Variants in ARL8A observed in about 807,000 individuals in gnomAD.
ARL8A encodes ADP-ribosylation factor-like protein 8A.
Under a neutral mutation model 31.2 loss-of-function variants are expected in ARL8A, and 10 were observed. The observed-to-expected ratio is 0.32, with a 90% CI of 0.20 to 0.54. The LOEUF (loss-of-function observed/expected upper bound fraction) is 0.54. Among genes scored for constraint, ARL8A ranks in the 20% least tolerant of loss-of-function variants. The probability of loss-of-function intolerance (pLI) is 0.93; values close to 1 mark genes in which losing one functional copy is unlikely to be tolerated. For missense variants in ARL8A, 129 were observed against 242.8 expected, an observed-to-expected ratio of 0.53 and a Z score of 3.12; for synonymous variants, 70 against 86.9, an observed-to-expected ratio of 0.81 and a Z score of 1.08.
intron 3 of ARL8A, among the ~76,000 whole-genome samples, chr1:202,136,469 TG>T (rs1655009183): frequency 6.6e-6 from 1 of 151,898 alleles, no homozygotes; most frequent in African/African-American, 2.4e-5. Flanking sequence ...TTAGCAGAGA[TG>T]GGGTTTCACC....
chr1:202,137,270 G>T (rs920099704), intron 3 of ARL8A, among the ~76,000 whole-genome samples: 2 of 152,084 alleles, frequency 1.3e-5, no homozygotes, highest in South Asian at 4.1e-4. Context: ...CAATCCTCTT[G>T]CCTCAGCCTC....
chr1:202,137,085 T>C (rs1331629475), intron 3 of ARL8A, among the ~76,000 whole-genome samples: 4 of 152,044 alleles, frequency 2.6e-5, no homozygotes, highest in Admixed American at 2.0e-4. Flanking sequence ...CTCGATCTTC[T>C]GACCTCGTGA....
intron 1 of ARL8A, among the ~76,000 whole-genome samples, chr1:202,140,062 T>G (rs1341507483): frequency 6.6e-6 from 1 of 152,114 alleles, no homozygotes; most frequent in Non-Finnish European, 1.5e-5. Context: ...AGGAGATGAT[T>G]GGCTCTTATT....
At chr1:202,136,785 T>C (rs565669000) in intron 3 of ARL8A, among the ~76,000 whole-genome samples, 1 of 152,262 alleles carries the variant, frequency 6.6e-6, no homozygotes, top group Non-Finnish European at 1.5e-5. Flanking sequence ...CCCAGGTTGG[T>C]TTTGAACTTC....
chr1:202,140,296 ATT>A (rs77654638), intron 1 of ARL8A, among the ~76,000 whole-genome samples: 36,406 of 137,506 alleles, frequency 0.26, 5,286 homozygotes, highest in South Asian at 0.38. Context: ...TGCCTAGCTA[ATT>A]TTTTTTTTTT....
In ARL8A at chr1:202,134,267, G is replaced by T. The variant is rs1018084056; in HGVS notation, c.*200C>A. 5.3e-6 allele frequency: 3 copies of T among 566,908 alleles called. No homozygotes were observed. Among genetic ancestry groups the T allele is most frequent in the Non-Finnish European group, 9.5e-6 (3 of 317,338 alleles). The allele number at this position is 566,908 out of a possible 1,614,324, so 35.1% of individuals were successfully genotyped here. A position where few individuals can be genotyped will look rare whatever the true frequency, so the allele number is the denominator to read the frequency against. ...AGCGGGGAAGGGTGAGAAGTTAGGG[G>T]ACCAGAATGGGGGGCAATTTATTTT... On this transcript the variant is annotated 3_prime_UTR_variant, in exon 7 of 7. Transcript: ENST00000272217. This position sits in a 1 kb window ranked among gnomAD's most constrained non-coding sequence, Gnocchi z 4.2.
rs762839653 is a variant in ARL8A at position 202,134,985 on chromosome 1, G to A, written c.511+165C>T. On this transcript the variant is annotated intron_variant, in intron 6 of 6. Transcript: ENST00000272217. The surrounding 1 kb of genome is among the most constrained non-coding windows in gnomAD (Gnocchi z 4.2). ...GCCCGAGATCACACAACCGCTTGGC[G>A]ACAAGCTGGGATAGTGCCCAGAATC... Among the ~76,000 whole-genome samples the A allele has an allele frequency of 1.3e-5, 2 of 152,180 alleles. No individual in the cohort carries two copies. The highest frequency in any genetic ancestry group is 2.1e-4 in the South Asian group (1 of 4,830).
At position 202,144,559 on chromosome 1, in the gene ARL8A, A is replaced by G; in HGVS notation, c.14T>C (p.Phe5Ser). The change falls in exon 1 of 7, where the codon TTC becomes TCC. Residue 5 changes from phenylalanine to serine, a missense_variant. Transcript: ENST00000272217. This position sits in a 1 kb window ranked among gnomAD's most constrained non-coding sequence, Gnocchi z 5.2. ...CTTGAACCAGTCCAGCAGCTTGTTG[A>G]ACAAAGCGATCATGGTCGCTGCCGC... is the stretch of plus-strand genomic sequence containing the variant. The part of the protein sequence containing the change: MIAL[F>S]NKLLDWFKAL... The G allele has an allele frequency of 6.9e-7, 1 of 1,439,812 alleles. No homozygotes were observed. The highest frequency in any genetic ancestry group is 9.3e-7 in the Non-Finnish European group (1 of 1,075,918). 89.2% of individuals were successfully genotyped at this position (1,439,812 alleles called of 1,614,324 possible). A position where few individuals can be genotyped will look rare whatever the true frequency, so the allele number is the denominator to read the frequency against.
At chr1:202,139,886 G>C (rs775269699) in intron 1 of ARL8A, among the ~76,000 whole-genome samples, 49 of 151,946 alleles carry the variant, frequency 3.2e-4, no homozygotes, top group Non-Finnish European at 6.3e-4. Flanking sequence ...GACCTCAAGT[G>C]ATCTGCCTAC....
chr1:202,134,194 G>C lies in ARL8A; in HGVS notation c.*273C>G. The C allele has an allele frequency of 3.9e-6, 2 of 509,718 alleles. No homozygotes were observed. The highest frequency in any genetic ancestry group is 4.3e-5 in the South Asian group (2 of 46,788). 31.6% of individuals were successfully genotyped at this position (509,718 alleles called of 1,614,324 possible). On this transcript the variant is annotated 3_prime_UTR_variant, in exon 7 of 7. Transcript: ENST00000272217. The surrounding 1 kb of genome is among the most constrained non-coding windows in gnomAD (Gnocchi z 4.2). ...GGAAAAGCCAGGGGCGGGGGCTGTG[G>C]CCCAGGGCTGCTGGGAGGGAGGCAG...
At chr1:202,139,716 G>C (rs1655117364) in intron 1 of ARL8A, among the ~76,000 whole-genome samples, 1 of 119,230 alleles carries the variant, frequency 8.4e-6, no homozygotes. Flanking sequence ...TGTGATCTCA[G>C]CTCACTGCAG....
chr1:202,136,638 C>T (rs1272201676), intron 3 of ARL8A, among the ~76,000 whole-genome samples: 1 of 152,150 alleles, frequency 6.6e-6, no homozygotes, highest in Non-Finnish European at 1.5e-5. Flanking sequence ...GGTGCAATTA[C>T]AGCTCACTGC....
chr1:202,143,096 CGCA>C (rs1323847534), intron 1 of ARL8A, among the ~76,000 whole-genome samples: 1 of 152,182 alleles, frequency 6.6e-6, no homozygotes, highest in Non-Finnish European at 1.5e-5. Context: ...GTGCCAAAAC[CGCA>C]GCATTGGCCT....
chr1:202,136,951 T>A (rs553119695), intron 3 of ARL8A, among the ~76,000 whole-genome samples: 24 of 151,984 alleles, frequency 1.6e-4, no homozygotes, highest in African/African-American at 2.2e-4. Flanking sequence ...GCCTCCTGGG[T>A]TCACGCCATT....
At position 202,138,928 on chromosome 1, in the gene ARL8A, C is replaced by T. The variant is rs1202941173; in HGVS notation, c.124-480G>A. 6.6e-6 allele frequency among the ~76,000 whole-genome samples: 1 copy of T among 152,200 alleles called. No individual in the cohort carries two copies. The highest frequency in any genetic ancestry group is 1.5e-5 in the Non-Finnish European group (1 of 68,048). On this transcript the variant is annotated intron_variant, in intron 1 of 6. Transcript: ENST00000272217. The surrounding 1 kb of genome is among the most constrained non-coding windows in gnomAD (Gnocchi z 4.4). The stretch of plus-strand genomic sequence containing the variant: ...TCCTGAAAATGCAGTGCATGCCAAG[C>T]AATTTCTGGATTATCCATGGTTCAG...
rs549449451 is a variant in ARL8A, at chr1:202,138,186, G to A, written c.205-148C>T. On this transcript the variant is annotated intron_variant, in intron 2 of 6. Transcript: ENST00000272217. The surrounding 1 kb of genome is among the most constrained non-coding windows in gnomAD (Gnocchi z 4.4). ...TCTCCCCCGTCTCCACCCGCTCTCC[G>A]TCTACCTTAGAAGTCTTCTACTGTC... is the stretch of plus-strand genomic sequence containing the variant. The A allele has an allele frequency of 3.0e-5, 35 of 1,153,992 alleles. No individual in the cohort carries two copies. The highest frequency in any genetic ancestry group is 1.1e-4 in the South Asian group (8 of 72,966). 71.5% of individuals were successfully genotyped at this position (1,153,992 alleles called of 1,614,324 possible). A position where few individuals can be genotyped will look rare whatever the true frequency, so the allele number is the denominator to read the frequency against.
Position 202,135,084 on chromosome 1 carries a change from C to CCTGAGAG in ARL8A, c.511+59_511+65dup. ...TTCAGGGAAAGTTGTGGAGCGAGAA[C>CCTGAGAG]CTGAGAGCCACTAAAACACTCAGAA... On this transcript the variant is annotated intron_variant, in intron 6 of 6. Coordinates refer to ENST00000272217, the MANE Select transcript of ARL8A (RefSeq NM_138795.4). This position sits in a 1 kb window ranked among gnomAD's most constrained non-coding sequence, Gnocchi z 5.3. 6.7e-7 allele frequency: 1 copy of CCTGAGAG among 1,492,444 alleles called. No homozygotes were observed. The highest frequency in any genetic ancestry group is 9.3e-7 in the Non-Finnish European group (1 of 1,070,902). 92.5% of individuals were successfully genotyped at this position (1,492,444 alleles called of 1,614,324 possible). A position where few individuals can be genotyped will look rare whatever the true frequency, so the allele number is the denominator to read the frequency against.
Position 202,134,392 on chromosome 1 carries a change from A to C in ARL8A, c.*75T>G. The C allele has an allele frequency of 2.7e-6, 4 of 1,483,146 alleles. No homozygotes were observed. The South Asian group carries it at 4.5e-5, about 17-fold the overall frequency. 91.9% of individuals were successfully genotyped at this position (1,483,146 alleles called of 1,614,324 possible). On this transcript the variant is annotated 3_prime_UTR_variant, in exon 7 of 7. Transcript: ENST00000272217. The surrounding 1 kb of genome is among the most constrained non-coding windows in gnomAD (Gnocchi z 4.2). ...GAGGAGGGGTGGGCTTAGGGGGACG[A>C]CAGGGGTGGGCGGGGAGCTCGGCTT...
At chr1:202,137,183 A>C (rs952758444) in intron 3 of ARL8A, among the ~76,000 whole-genome samples, 5 of 151,834 alleles carry the variant, frequency 3.3e-5, no homozygotes, top group Non-Finnish European at 5.9e-5. Context: ...CAATGTTTAA[A>C]ATTTATTTTA....
Sources: gnomAD v4.1 joint callset for allele counts (sites outside exome capture counted in the v4.1 genomes callset) on GRCh38, gnomAD v4.1.1 for gene constraint, Gnocchi (gnomAD v3.1) non-coding constraint, MANE v1.5 for transcripts, NCBI Gene and HGNC (gene_info 2026-07-23, HGNC 2026-07-21) for gene names.